PPRC1: variants seen among roughly 807,000 people sequenced by gnomAD.
PPRC1 encodes peroxisome proliferator-activated receptor gamma coactivator-related protein 1.
PPRC1 carries 23 observed loss-of-function variants against 132.5 expected under a neutral mutation model. The observed-to-expected ratio is 0.17, with a 90% confidence interval of 0.12 to 0.25. The LOEUF (loss-of-function observed/expected upper bound fraction) is 0.25, where lower values mean the gene tolerates loss of function less well. Ranked by LOEUF, PPRC1 falls within the 10% of genes least tolerant of loss-of-function variation. The pLI, the probability that PPRC1 is intolerant of heterozygous loss-of-function variation, is 1.00. For missense variants in PPRC1, 2,006 were observed against 2,089.1 expected, an observed-to-expected ratio of 0.96 and a Z score of 0.78; for synonymous variants, 872 against 833.5, an observed-to-expected ratio of 1.05 and a Z score of -0.80.
At chr10:102,121,618 G>T in the PPRC1 span, among the ~76,000 whole-genome samples, 1 of 152,164 alleles carries the variant, frequency 6.6e-6, no homozygotes, top group Non-Finnish European at 1.5e-5. Flanking sequence ...CAGGAGGAGG[G>T]AAGGGAGGGG....
Position 102,147,371 on chromosome 10 carries a change from C to T in PPRC1, c.4379C>T (p.Pro1460Leu), listed in dbSNP as rs763923326. ...SSRSRSRSLSPPHKRWRRSSC... is the reference protein window; with the variant it reads ...SSRSRSRSLSLPHKRWRRSSC... ...CGATCTCGGTCCAGGTCCCTCTCCC[C>T]CCCACACAAGAGGTGGCGAAGGTGA... is the stretch of plus-strand genomic sequence containing the variant. The change falls in exon 9 of 14, where the codon CCC becomes CTC. Residue 1460 changes from proline (P) to leucine (L), a missense_variant. Pro to Leu is a moderately conservative substitution (Grantham distance 98, BLOSUM62 -3). Transcript: ENST00000278070. 1.1e-5 allele frequency: 17 copies of T among 1,606,190 alleles called. No individual in the cohort carries two copies. The East Asian group carries it at 3.3e-4, about 32-fold the overall frequency.
intron 3 of PPRC1, 29 bp downstream of exon 3, chr10:102,138,794 A>G (rs774041896): frequency 4.3e-6 from 7 of 1,613,898 alleles, no homozygotes; most frequent in Non-Finnish European, 5.9e-6. Context: ...GAAGGGGATT[A>G]GTACAAAGTT....
rs750839874 is a variant in PPRC1 at position 102,139,260 on chromosome 10, A to T, written c.752A>T (p.Glu251Val). 2.5e-6 allele frequency: 4 copies of T among 1,614,020 alleles called. No homozygotes were observed. The highest frequency in any genetic ancestry group is 3.4e-6 in the Non-Finnish European group (4 of 1,180,032). ...QQRSDGEEEE[E>V]VASFSGQILA... ...CGCAGTGATGGAGAAGAAGAGGAGG[A>T]GGTGGCCAGCTTCAGTGGCCAGATT... Residue 251 changes from glutamate (E) to valine (V), a missense_variant, in exon 5 of 14, where the codon GAG becomes GTG. By Grantham distance (121) the Glu-to-Val change is moderately radical. Around this residue, in one of 2 missense-constraint regions of PPRC1, gnomAD observed 1,914 missense variants for 1,917.2 expected, o/e 1.00. Transcript: ENST00000278070.
chr10:102,145,011 C>T lies in PPRC1; in HGVS notation c.3609-9C>T. Reference sequence around the variant, plus strand: ...ATGAATCAGGCTTTCCCTTTTCCCCCCCCGCCAGCGGCGTTGACATTCCCC... The same window carrying T: ...ATGAATCAGGCTTTCCCTTTTCCCCTCCCGCCAGCGGCGTTGACATTCCCC... On this transcript the variant is annotated splice_polypyrimidine_tract_variant and intron_variant, in intron 7 of 13. Coordinates refer to ENST00000278070, the MANE Select transcript of PPRC1 (RefSeq NM_015062.5). 1 of 1,565,126 alleles carries T rather than the reference C, an allele frequency of 6.4e-7. No individual in the cohort carries two copies. Among genetic ancestry groups the T allele is most frequent in the Non-Finnish European group, 8.6e-7 (1 of 1,157,532 alleles).
Position 102,141,636 on chromosome 10 carries a change from C to T in PPRC1, c.3128C>T (p.Pro1043Leu), listed in dbSNP as rs1307846827. The T allele has an allele frequency of 3.7e-6, 6 of 1,614,160 alleles. No individual in the cohort carries two copies. Among genetic ancestry groups the T allele is most frequent in the Middle Eastern group, 1.6e-4 (1 of 6,062 alleles). Residue 1043 changes from proline (P) to leucine (L), a missense_variant, in exon 5 of 14, where the codon CCT becomes CTT. Physicochemically the swap from Pro to Leu is moderately conservative, Grantham distance 98. This residue lies in a region of PPRC1 where 1,914 missense variants were observed against 1,917.2 expected (regional missense o/e 1.00). Transcript: ENST00000278070. ...GCTCCTCCCCTCAGTCTTGGGCTAC[C>T]TGGCCATGGAGCTCCTCAGACAGAG... ...SMAPPLSLGLPGHGAPQTEPT... is the reference protein window; with the variant it reads ...SMAPPLSLGLLGHGAPQTEPT...
In PPRC1 at chr10:102,149,343, G is replaced by A. The variant is rs750120197; in HGVS notation, c.4891+14G>A. 17 of 1,566,664 alleles carry A rather than the reference G, an allele frequency of 1.1e-5. 1 individual carries two copies. The East Asian group carries it at 1.8e-4, about 17-fold the overall frequency. On this transcript the variant is annotated intron_variant, in intron 13 of 13. Transcript: ENST00000278070. The stretch of plus-strand genomic sequence containing the variant: ...ATTCTGATCTTGGTGAGTGGAGGGA[G>A]GGCCTAAAGCTTTGGAATGCTTCAT...
chr10:102,142,017 C>T lies in PPRC1; in HGVS notation c.3496+13C>T, dbSNP rs368616078. 4 of 1,592,366 alleles carry T rather than the reference C, an allele frequency of 2.5e-6. No homozygotes were observed. Among genetic ancestry groups the T allele is most frequent in the South Asian group, 2.3e-5 (2 of 87,936 alleles). ...ATCAGTGAGATTGGTGAGTGACACA[C>T]AGTTCCCCCATGTAGTCCCCAAGTT... On this transcript the variant is annotated intron_variant, in intron 5 of 13. Transcript: ENST00000278070.
At chr10:102,146,575 G>T in intron 8 of PPRC1, 97 bp from the exon 9 acceptor site, 1 of 1,461,426 alleles carries the variant, frequency 6.8e-7, no homozygotes, top group South Asian at 1.4e-5. Flanking sequence ...TGTACTTTGT[G>T]AGATGAGGTG....
In PPRC1 at chr10:102,141,396, G is replaced by C; in HGVS notation, c.2888G>C (p.Trp963Ser). 6.2e-7 allele frequency: 1 copy of C among 1,613,766 alleles called. No individual in the cohort carries two copies. ...YAVPPTCSVPWAPPPAPVSPY... is the reference protein window; with the variant it reads ...YAVPPTCSVPSAPPPAPVSPY... Reference sequence around the variant, plus strand: ...GTGCCTCCCACTTGCAGTGTGCCTTGGGCACCCCCTCCTGCCCCAGTCTCA... The same window carrying C: ...GTGCCTCCCACTTGCAGTGTGCCTTCGGCACCCCCTCCTGCCCCAGTCTCA... The change falls in exon 5 of 14, where the codon TGG becomes TCG. Residue 963 changes from tryptophan (W) to serine (S), a missense_variant. Trp to Ser is a radical substitution (Grantham distance 177). Transcript: ENST00000278070.
At chr10:102,144,944 T>C in intron 7 of PPRC1, 76 bp from the exon 8 acceptor site, 1 of 1,264,420 alleles carries the variant, frequency 7.9e-7, no homozygotes. Flanking sequence ...CCCCTCCCAT[T>C]GATTTCTGAG....
chr10:102,143,937 A>T (rs1384993406), intron 6 of PPRC1, among the ~76,000 whole-genome samples: 1 of 152,242 alleles, frequency 6.6e-6, no homozygotes. Flanking sequence ...TGTGATTTGT[A>T]GAACAAGAGT....
chr10:102,125,624 G>A, the PPRC1 span, among the ~76,000 whole-genome samples: 1 of 152,174 alleles, frequency 6.6e-6, no homozygotes, highest in African/African-American at 2.4e-5. Context: ...AGGAGGTACT[G>A]AGAAGAGATT....
rs2068965185 is a variant in PPRC1 at position 102,141,298 on chromosome 10, C to G, written c.2790C>G (p.Ser930=). 1 of 1,614,032 alleles carries G rather than the reference C, an allele frequency of 6.2e-7. No individual in the cohort carries two copies. The highest frequency in any genetic ancestry group is 1.3e-5 in the African/African-American group (1 of 75,018). The part of the protein sequence containing the change: ...LPSWPCYPHV[S]PSGYPCLPPP... ...CCTGGCCTTGTTATCCTCATGTGTC[C>G]CCTTCTGGCTATCCTTGCCTGCCCC... Residue 930 remains serine, a synonymous_variant, in exon 5 of 14, where the codon TCC becomes TCG. Coordinates refer to ENST00000278070, the MANE Select transcript of PPRC1 (RefSeq NM_015062.5).
chr10:102,147,459 G>A, intron 9 of PPRC1, 67 bp downstream of exon 9: 1 of 1,499,686 alleles, frequency 6.7e-7, no homozygotes, highest in Non-Finnish European at 8.9e-7. Flanking sequence ...GGTTTACTTT[G>A]AAAGCTTTTA....
Position 102,141,822 on chromosome 10 carries a change from A to C in PPRC1, c.3314A>C (p.Gln1105Pro). The C allele has an allele frequency of 1.2e-6, 2 of 1,614,028 alleles. No individual in the cohort carries two copies. Among genetic ancestry groups the C allele is most frequent in the Admixed American group, 3.3e-5 (2 of 59,990 alleles). ...PASERLKPETQETRPREKPPL... is the reference protein window; with the variant it reads ...PASERLKPETPETRPREKPPL... ...TCAGAGAGGCTAAAGCCTGAGACCC[A>C]AGAGACCAGGCCCAGGGAGAAGCCC... The change falls in exon 5 of 14, where the codon CAA becomes CCA. Residue 1105 changes from glutamine to proline, a missense_variant. By Grantham distance (76) the Gln-to-Pro change is moderately conservative. This residue lies in a region of PPRC1 where 1,914 missense variants were observed against 1,917.2 expected (regional missense o/e 1.00). Coordinates refer to ENST00000278070, the MANE Select transcript of PPRC1 (RefSeq NM_015062.5).
At chr10:102,126,117 C>T in the PPRC1 span, among the ~76,000 whole-genome samples, 1 of 152,178 alleles carries the variant, frequency 6.6e-6, no homozygotes, top group African/African-American at 2.4e-5. Flanking sequence ...CCGCCTTGGC[C>T]TCCCAAAGTG....
chr10:102,125,630 A>G, the PPRC1 span, among the ~76,000 whole-genome samples: 2 of 152,094 alleles, frequency 1.3e-5, no homozygotes, highest in Admixed American at 1.3e-4. Context: ...TACTGAGAAG[A>G]GATTAAGATT....
intron 9 of PPRC1, among the ~76,000 whole-genome samples, chr10:102,147,987 G>A (rs1406189486): frequency 6.6e-6 from 1 of 152,158 alleles, no homozygotes; most frequent in African/African-American, 2.4e-5. Flanking sequence ...CCTGGTAGGG[G>A]AGCAATAGTA....
rs1469618871 is a variant in PPRC1, at chr10:102,142,057, A to G, written c.3496+53A>G. ...GTCCCCAAGTTGGCTGGGGGACTCT[A>G]GAATAGGATAAGCCACCCTGATGAG... is the stretch of plus-strand genomic sequence containing the variant. On this transcript the variant is annotated intron_variant, in intron 5 of 13. Coordinates refer to ENST00000278070, the MANE Select transcript of PPRC1 (RefSeq NM_015062.5). The G allele has an allele frequency of 3.9e-6, 6 of 1,534,978 alleles. No homozygotes were observed. In the East Asian group the frequency reaches 1.4e-4, roughly 35 times the overall value.
Sources: gnomAD v4.1 joint callset for allele counts (sites outside exome capture counted in the v4.1 genomes callset) on GRCh38, gnomAD v4.1.1 for gene constraint, gnomAD v4.1.1 regional missense constraint, MANE v1.5 for transcripts, NCBI Gene and HGNC (gene_info 2026-07-23, HGNC 2026-07-21) for gene names.